Variants in SLC24A2 observed in about 807,000 individuals in gnomAD.
SLC24A2 encodes sodium/potassium/calcium exchanger 2.
A neutral mutation model predicts 62.0 loss-of-function variants in SLC24A2; 36 were observed. The observed-to-expected ratio is 0.58, with a 90% CI of 0.44 to 0.77. The LOEUF (loss-of-function observed/expected upper bound fraction) is 0.77. SLC24A2 is among the 30% of genes least tolerant of loss of function. The pLI, the probability that SLC24A2 is intolerant of heterozygous loss-of-function variation, is 0.00. For synonymous variants in SLC24A2, 358 were observed against 294.0 expected (o/e 1.22, Z -2.23); for missense variants, 846 against 817.9 (o/e 1.03, Z -0.42).
intron 2 of SLC24A2, among the ~76,000 whole-genome samples, chr9:19,750,660 A>C (rs529514611): frequency 6.6e-6 from 1 of 152,008 alleles, no homozygotes; most frequent in African/African-American, 2.4e-5. Flanking sequence ...ATGTTTCTCT[A>C]TTTCTAAAGT....
chr9:19,833,594 G>A, the SLC24A2 span, among the ~76,000 whole-genome samples: 1 of 152,206 alleles, frequency 6.6e-6, no homozygotes, highest in African/African-American at 2.4e-5. Context: ...TGAACTGGGT[G>A]GAGCCCACCA....
chr9:20,114,703 C>T, the SLC24A2 span, among the ~76,000 whole-genome samples: 1 of 152,226 alleles, frequency 6.6e-6, no homozygotes, highest in East Asian at 1.9e-4. Flanking sequence ...CATTTTAGCA[C>T]CAACCAGTGG....
intron 2 of SLC24A2, among the ~76,000 whole-genome samples, chr9:19,707,460 A>T (rs79232740): frequency 0.32 from 48,871 of 151,890 alleles, 8,275 homozygotes; most frequent in African/African-American, 0.44. Flanking sequence ...CCAAAAAAGA[A>T]TTTTAGACCA....
the SLC24A2 span, among the ~76,000 whole-genome samples, chr9:19,837,422 G>A: frequency 9.3e-4 from 110 of 118,672 alleles, no homozygotes; most frequent in Admixed American, 0.01. Context: ...ACTGCAGTCC[G>A]CAGTCCGGCC....
chr9:19,726,187 G>A (rs750520240), intron 2 of SLC24A2, among the ~76,000 whole-genome samples: 48 of 152,180 alleles, frequency 3.2e-4, no homozygotes, highest in African/African-American at 8.7e-4. Context: ...ACCTCTTTGC[G>A]CACAAACATT....
At chr9:19,964,921 G>C in the SLC24A2 span, among the ~76,000 whole-genome samples, 2 of 152,082 alleles carry the variant, frequency 1.3e-5, no homozygotes, top group East Asian at 1.9e-4. Context: ...GACGGGACAC[G>C]GTCCTTTTTT....
chr9:19,815,419 A>T, the SLC24A2 span, among the ~76,000 whole-genome samples: 2 of 152,112 alleles, frequency 1.3e-5, no homozygotes, highest in African/African-American at 4.8e-5. Flanking sequence ...TTCTGGGACA[A>T]TTTCCCCAAA....
At chr9:20,039,362 A>G in the SLC24A2 span, among the ~76,000 whole-genome samples, 2 of 152,068 alleles carry the variant, frequency 1.3e-5, no homozygotes, top group Non-Finnish European at 2.9e-5. Context: ...GCCAACTGGG[A>G]TGCGGCAGCT....
chr9:19,535,765 G>C (rs111301406), intron 8 of SLC24A2, among the ~76,000 whole-genome samples: 4 of 151,302 alleles, frequency 2.6e-5, no homozygotes, highest in African/African-American at 9.7e-5. Flanking sequence ...GCCTAGTTTG[G>C]AGTCAGGTAG....
At chr9:19,673,036 A>T (rs1819461430) in intron 2 of SLC24A2, among the ~76,000 whole-genome samples, 1 of 146,448 alleles carries the variant, frequency 6.8e-6, no homozygotes. Context: ...TGTTCCGTAA[A>T]TATCTGTTAA....
At chr9:19,765,456 AG>A (rs1171986831) in intron 2 of SLC24A2, among the ~76,000 whole-genome samples, 3 of 152,094 alleles carry the variant, frequency 2.0e-5, no homozygotes, top group Admixed American at 6.5e-5. Context: ...TTCCATATTT[AG>A]TGCTTCCTTC....
At chr9:19,636,361 TTC>T (rs1818345515) in intron 2 of SLC24A2, among the ~76,000 whole-genome samples, 1 of 39,410 alleles carries the variant, frequency 2.5e-5, no homozygotes, top group South Asian at 1.0e-3. Flanking sequence ...CTTTCTTTCT[TTC>T]TTTCTTTCTT....
At chr9:20,093,928 A>G in the SLC24A2 span, among the ~76,000 whole-genome samples, 1 of 152,224 alleles carries the variant, frequency 6.6e-6, no homozygotes, top group Non-Finnish European at 1.5e-5. Context: ...CCATAAATAT[A>G]TACACCTACT....
At chr9:20,029,451 A>G in the SLC24A2 span, among the ~76,000 whole-genome samples, 1,118 of 152,306 alleles carry the variant, frequency 7.3e-3, 9 homozygotes, top group South Asian at 0.022. Flanking sequence ...TTCATAAAGA[A>G]TTTTTAGAAA....
chr9:19,929,713 G>A, the SLC24A2 span: 1 of 152,526 alleles, frequency 6.6e-6, no homozygotes, highest in Non-Finnish European at 1.5e-5. Flanking sequence ...CCTCAGGCAG[G>A]TTCTTCAGGA....
intron 7 of SLC24A2, among the ~76,000 whole-genome samples, chr9:19,568,559 T>C (rs1835745493): frequency 6.6e-6 from 1 of 152,150 alleles, no homozygotes; most frequent in South Asian, 2.1e-4. Context: ...AACAGTGCTA[T>C]GAGATAGAAA....
chr9:19,980,153 T>C, the SLC24A2 span, among the ~76,000 whole-genome samples: 1 of 152,310 alleles, frequency 6.6e-6, no homozygotes, highest in South Asian at 2.1e-4. Flanking sequence ...AAGAGTTACA[T>C]GGTGGAAAAG....
At chr9:20,068,827 G>A in the SLC24A2 span, among the ~76,000 whole-genome samples, 1 of 152,142 alleles carries the variant, frequency 6.6e-6, no homozygotes, top group Non-Finnish European at 1.5e-5. Context: ...TGATCCTGCT[G>A]TCAGCCTGTT....
chr9:19,526,406 A>C (rs1833449299), intron 9 of SLC24A2, among the ~76,000 whole-genome samples: 1 of 152,144 alleles, frequency 6.6e-6, no homozygotes, highest in South Asian at 2.1e-4. Flanking sequence ...TCTATGTTTA[A>C]TGTTTTGTGG....
Sources: allele counts gnomAD v4.1 joint callset (sites outside exome capture counted in the v4.1 genomes callset), GRCh38; gene constraint gnomAD v4.1.1; transcripts MANE v1.5; gene names NCBI Gene and HGNC (gene_info 2026-07-23, HGNC 2026-07-21).